The following MICU1 variants were observed in gnomAD, a reference collection of about 807,000 sequenced individuals.
MICU1 encodes the protein mitochondrial calcium uptake 1.
MICU1 carries 45 observed loss-of-function variants against 56.8 expected under a neutral mutation model. The observed-to-expected ratio is 0.79, with a 90% CI of 0.62 to 1.02. The LOEUF (loss-of-function observed/expected upper bound fraction) is 1.02. Among genes scored for constraint, MICU1 ranks in the 50% least tolerant of loss-of-function variants. MICU1 has a pLI of 0.00. For missense variants in MICU1, 504 were observed against 587.1 expected, an observed-to-expected ratio of 0.86 and a Z score of 1.46; for synonymous variants, 186 against 195.1, an observed-to-expected ratio of 0.95 and a Z score of 0.39.
chr10:72,417,470 A>AAG (rs56679227), intron 9 of MICU1, among the ~76,000 whole-genome samples: 5,762 of 149,234 alleles, frequency 0.039, 326 homozygotes, highest in African/African-American at 0.11. Flanking sequence ...AAAAAAAAAA[A>AAG]AAAGAAATAT....
intron 1 of MICU1, among the ~76,000 whole-genome samples, chr10:72,570,936 C>T (rs1233540493): frequency 2.0e-5 from 3 of 152,024 alleles, no homozygotes; most frequent in Non-Finnish European, 4.4e-5. Flanking sequence ...ATAAATAGCA[C>T]TGCTCTTCGC....
At chr10:72,597,759 G>A (rs957552491) in intron 1 of MICU1, among the ~76,000 whole-genome samples, 12 of 152,050 alleles carry the variant, frequency 7.9e-5, no homozygotes, top group Admixed American at 1.3e-4. Flanking sequence ...CAAAGTTTGC[G>A]TACATTGTGC....
Position 72,566,044 on chromosome 10 carries a change from T to C in MICU1, c.161+589A>G, listed in dbSNP as rs938375834. Among the ~76,000 whole-genome samples, 18 of 140,160 alleles carry C rather than the reference T, an allele frequency of 1.3e-4. No homozygotes were observed. The East Asian group carries it at 2.8e-3, about 22-fold the overall frequency. The allele number at this position is 140,160 out of a possible 152,430, so 92.0% of individuals were successfully genotyped here. A position where few individuals can be genotyped will look rare whatever the true frequency, so the allele number is the denominator to read the frequency against. On this transcript the variant is annotated intron_variant, in intron 2 of 11. Transcript: ENST00000361114. ...TCTCAGAAAGCATTCATTTTCTTTT[T>C]TTTTTTTTTTTTTTTTTTGGAGACA...
intron 5 of MICU1, among the ~76,000 whole-genome samples, chr10:72,509,690 G>C (rs1416273081): frequency 1.3e-5 from 2 of 152,156 alleles, no homozygotes; most frequent in Non-Finnish European, 2.9e-5. Flanking sequence ...AGTCCTGCTT[G>C]ATAGCATTTA....
chr10:72,417,362 G>A (rs1173967279), intron 9 of MICU1, among the ~76,000 whole-genome samples: 1 of 150,984 alleles, frequency 6.6e-6, no homozygotes, highest in East Asian at 2.0e-4. Context: ...GCTGAGGCAG[G>A]AGAATGGCAT....
chr10:72,467,040 C>T (rs1865814092), intron 8 of MICU1, among the ~76,000 whole-genome samples: 2 of 151,798 alleles, frequency 1.3e-5, no homozygotes, highest in Non-Finnish European at 2.9e-5. Flanking sequence ...ACTCTGTTGC[C>T]CAGGCTGGAG....
chr10:72,541,158 G>C (rs919185645), intron 4 of MICU1, among the ~76,000 whole-genome samples: 1 of 152,194 alleles, frequency 6.6e-6, no homozygotes, highest in Admixed American at 6.5e-5. Flanking sequence ...TCCCGGGCAA[G>C]AGCCCGGGAA....
At chr10:72,602,438 G>A (rs988783271) in intron 1 of MICU1, among the ~76,000 whole-genome samples, 9 of 151,292 alleles carry the variant, frequency 5.9e-5, no homozygotes, top group South Asian at 4.2e-4. Context: ...GCAACAAAGC[G>A]AGATTCTGTC....
At chr10:72,410,047 A>G (rs1248658791) in intron 9 of MICU1, among the ~76,000 whole-genome samples, 2 of 152,182 alleles carry the variant, frequency 1.3e-5, no homozygotes, top group Non-Finnish European at 2.9e-5. Flanking sequence ...GCATTTTTAT[A>G]TGTAAATAGC....
At chr10:72,549,498 T>C (rs1839980194) in intron 4 of MICU1, among the ~76,000 whole-genome samples, 1 of 152,136 alleles carries the variant, frequency 6.6e-6, no homozygotes, top group South Asian at 2.1e-4. Context: ...GCCCATCTGT[T>C]TGTATTTTTG....
At chr10:72,577,643 C>G (rs933480585) in intron 1 of MICU1, among the ~76,000 whole-genome samples, 1 of 152,094 alleles carries the variant, frequency 6.6e-6, no homozygotes, top group Non-Finnish European at 1.5e-5. Context: ...CTGAATAGCA[C>G]ACTGGAATTC....
At chr10:72,572,444 T>A (rs1840634031) in intron 1 of MICU1, among the ~76,000 whole-genome samples, 1 of 152,094 alleles carries the variant, frequency 6.6e-6, no homozygotes, top group African/African-American at 2.4e-5. Context: ...ATCCTTGCAT[T>A]TTTGACTCCC....
intron 5 of MICU1, among the ~76,000 whole-genome samples, chr10:72,511,120 T>C (rs963612072): frequency 1.3e-5 from 2 of 152,250 alleles, no homozygotes; most frequent in African/African-American, 2.4e-5. Context: ...TTGGTTTTGA[T>C]TGTGATAAAT....
At chr10:72,611,097 G>A (rs1415517814) in intron 1 of MICU1, among the ~76,000 whole-genome samples, 3 of 146,176 alleles carry the variant, frequency 2.1e-5, no homozygotes, top group Non-Finnish European at 3.0e-5. Flanking sequence ...GAGGTCAGGC[G>A]ATGGAGACTA....
chr10:72,412,476 T>C lies in MICU1; in HGVS notation c.1072-4439A>G, dbSNP rs573281733. Among the ~76,000 whole-genome samples the C allele has an allele frequency of 1.4e-4, 21 of 152,324 alleles. No individual in the cohort carries two copies. The East Asian group carries it at 3.9e-3, about 28-fold the overall frequency. On this transcript the variant is annotated intron_variant, in intron 9 of 11. Coordinates refer to ENST00000361114, the MANE Select transcript of MICU1 (RefSeq NM_001195518.2). ...AAGATTAATGATAGTTTGTAGACAA[T>C]AGTGATTATTTCTTTAGGATGCTGA...
intron 11 of MICU1, among the ~76,000 whole-genome samples, chr10:72,375,011 A>C (rs981867993): frequency 6.6e-6 from 1 of 151,650 alleles, no homozygotes; most frequent in Non-Finnish European, 1.5e-5. Context: ...GGGTTTCACC[A>C]TGTTGGCCAG....
At chr10:72,583,788 A>G (rs1003919512) in intron 1 of MICU1, among the ~76,000 whole-genome samples, 2 of 151,986 alleles carry the variant, frequency 1.3e-5, no homozygotes, top group Admixed American at 1.3e-4. Flanking sequence ...TGAATATTTC[A>G]AGTTCTTCAT....
At chr10:72,597,109 C>T (rs1034178109) in intron 1 of MICU1, among the ~76,000 whole-genome samples, 2 of 152,000 alleles carry the variant, frequency 1.3e-5, no homozygotes, top group African/African-American at 4.8e-5. Flanking sequence ...CCCCAAAAGT[C>T]TATTAATTTA....
chr10:72,428,469 T>C lies in MICU1; in HGVS notation c.934-5098A>G, dbSNP rs113062333. ...CTGGGATTATAGGCGCTCACCACCATGCCTGGTTAATTTTTTGTATTTTTG... is the reference window on the plus strand; with the variant it reads ...CTGGGATTATAGGCGCTCACCACCACGCCTGGTTAATTTTTTGTATTTTTG... On this transcript the variant is annotated intron_variant, in intron 8 of 11. Transcript: ENST00000361114. Among the ~76,000 whole-genome samples the C allele has an allele frequency of 7.5e-3, 1,148 of 152,266 alleles. 15 individuals are homozygous for C. Among genetic ancestry groups the C allele is most frequent in the African/African-American group, 0.026 (1,082 of 41,552 alleles).
Sources: gnomAD v4.1 joint callset for allele counts (sites outside exome capture counted in the v4.1 genomes callset) on GRCh38, gnomAD v4.1.1 for gene constraint, MANE v1.5 for transcripts, NCBI Gene and HGNC (gene_info 2026-07-23, HGNC 2026-07-21) for gene names.